FAM107B: variants seen among roughly 807,000 people sequenced by gnomAD.
FAM107B encodes protein FAM107B.
Under a neutral mutation model 31.5 loss-of-function variants are expected in FAM107B, and 21 were observed. The observed-to-expected ratio is 0.67, with a 90% confidence interval of 0.47 to 0.96. The LOEUF is 0.96. FAM107B is among the 40% of genes least tolerant of loss of function. The probability of loss-of-function intolerance (pLI) is 0.00; values close to 1 mark genes in which losing one functional copy is unlikely to be tolerated. For synonymous variants in FAM107B, 157 were observed against 141.5 expected (o/e 1.11, Z -0.78); for missense variants, 452 against 377.1 (o/e 1.20, Z -1.64).
intron 1 of FAM107B, among the ~76,000 whole-genome samples, chr10:14,751,605 C>G (rs150146792): frequency 6.6e-6 from 1 of 151,800 alleles, no homozygotes; most frequent in Non-Finnish European, 1.5e-5. Flanking sequence ...TGGGCTAAAG[C>G]GATCCTCCAA....
chr10:14,553,364 A>C, intron 2 of FAM107B: 1 of 1,281,002 alleles, frequency 7.8e-7, no homozygotes, highest in Non-Finnish European at 1.0e-6. Context: ...CTCTATCCAC[A>C]AAATTAGTTT....
At chr10:14,711,141 G>C (rs1298042786) in intron 1 of FAM107B, among the ~76,000 whole-genome samples, 1 of 152,168 alleles carries the variant, frequency 6.6e-6, no homozygotes, top group African/African-American at 2.4e-5. Context: ...TCAAACTCCT[G>C]ACCTTGTGAT....
chr10:14,728,517 G>A lies in FAM107B; in HGVS notation c.411+45736C>T, dbSNP rs144208572. ...GCAGAAGTCAAGCTGGACCAGCAGG[G>A]GTAATTTTTGTGGGTTATCCATCAC... On this transcript the variant is annotated intron_variant, in intron 1 of 4. Transcript: ENST00000181796. Among the ~76,000 whole-genome samples the A allele has an allele frequency of 3.4e-3, 523 of 152,232 alleles. 12 individuals carry two copies. The East Asian group carries it at 0.046, about 13-fold the overall frequency.
At chr10:14,747,192 G>A (rs1457749235) in intron 1 of FAM107B, among the ~76,000 whole-genome samples, 2 of 152,160 alleles carry the variant, frequency 1.3e-5, no homozygotes, top group Non-Finnish European at 2.9e-5. Context: ...AACAGCTCCT[G>A]TAATATTTTA....
chr10:14,676,967 C>G (rs1854698073), intron 1 of FAM107B, among the ~76,000 whole-genome samples: 1 of 152,168 alleles, frequency 6.6e-6, no homozygotes, highest in South Asian at 2.1e-4. Context: ...TCCTGGTCCC[C>G]TCACTCCAAC....
chr10:14,522,177 T>C, intron 3 of FAM107B, 158 bp from the exon 4 acceptor site: 2 of 901,214 alleles, frequency 2.2e-6, no homozygotes, highest in Non-Finnish European at 3.3e-6. Context: ...ATCTAAGAAA[T>C]TCACCAGCAC....
rs369990128 is a variant in FAM107B at position 14,747,723 on chromosome 10, C to T, written c.411+26530G>A. Reference sequence around the variant, plus strand: ...CACCAAGCTAATGCCAGCAGGAACACTCCTGTATAAGGTATCTGGCAACCC... The same window carrying T: ...CACCAAGCTAATGCCAGCAGGAACATTCCTGTATAAGGTATCTGGCAACCC... On this transcript the variant is annotated intron_variant, in intron 1 of 4. Transcript: ENST00000181796. Among the ~76,000 whole-genome samples the T allele has an allele frequency of 3.9e-5, 6 of 152,238 alleles. No homozygotes were observed. In the East Asian group the frequency reaches 7.7e-4, roughly 20 times the overall value.
intron 2 of FAM107B, among the ~76,000 whole-genome samples, chr10:14,575,955 T>G (rs1464999687): frequency 1.3e-5 from 2 of 152,032 alleles, no homozygotes; most frequent in African/African-American, 4.8e-5. Flanking sequence ...CATAGACAGG[T>G]CTTGAAGACA....
intron 1 of FAM107B, among the ~76,000 whole-genome samples, chr10:14,696,377 T>C (rs754203213): frequency 1.3e-5 from 2 of 152,224 alleles, no homozygotes; most frequent in African/African-American, 2.4e-5. Context: ...GATGTATTCT[T>C]GGATTCTATT....
intron 1 of FAM107B, among the ~76,000 whole-genome samples, chr10:14,671,021 C>G (rs1444683565): frequency 3.3e-5 from 5 of 152,298 alleles, no homozygotes; most frequent in East Asian, 1.9e-4. Context: ...GCCTAGTACT[C>G]ACTGACTCAC....
At chr10:14,754,594 GCT>G (rs1251258134) in intron 1 of FAM107B, among the ~76,000 whole-genome samples, 6 of 152,228 alleles carry the variant, frequency 3.9e-5, no homozygotes, top group Admixed American at 1.3e-4. Flanking sequence ...AGGGGAGTCA[GCT>G]TCTAAAGGGA....
At chr10:14,642,490 C>T (rs988472444) in intron 2 of FAM107B, among the ~76,000 whole-genome samples, 12 of 152,252 alleles carry the variant, frequency 7.9e-5, no homozygotes, top group Middle Eastern at 3.4e-3. Flanking sequence ...TAGTGAAATC[C>T]AAGAATTCCA....
rs756862549 is a variant in FAM107B at position 14,520,797 on chromosome 10, G to GT, written c.*392dup. 6.1e-6 allele frequency: 1 copy of GT among 164,880 alleles called. No homozygotes were observed. Among genetic ancestry groups the GT allele is most frequent in the Non-Finnish European group, 1.3e-5 (1 of 76,994 alleles). The allele number at this position is 164,880 out of a possible 1,614,324, so 10.2% of individuals were successfully genotyped here. On this transcript the variant is annotated 3_prime_UTR_variant, in exon 5 of 5. Coordinates refer to ENST00000181796, the MANE Select transcript of FAM107B (RefSeq NM_031453.4). ...TAACAAAAAGAGGAATTAAACACTT[G>GT]TTTTTTAGCTTTTAAAAGAAAAAAG...
chr10:14,603,988 G>A (rs1031654520), intron 2 of FAM107B, among the ~76,000 whole-genome samples: 1 of 147,488 alleles, frequency 6.8e-6, no homozygotes, highest in Admixed American at 6.7e-5. Context: ...CCCCGCAGCG[G>A]CCCCCGCCTC....
In FAM107B at chr10:14,774,285, T is replaced by C. The variant is rs1208122275; in HGVS notation, c.379A>G (p.Ile127Val). 2 of 1,613,528 alleles carry C rather than the reference T, an allele frequency of 1.2e-6. No individual in the cohort carries two copies. Among genetic ancestry groups the C allele is most frequent in the African/African-American group, 1.3e-5 (1 of 74,940 alleles). ...GTGTCAATAATTGATGGTCTGGGGA[T>C]GGAAGCGTGAAACACCACTGCTTCA... is the stretch of plus-strand genomic sequence containing the variant. ...DCEAVVFHAS[I>V]PRPSIIDTPK... The change falls in exon 1 of 5, where the codon ATC becomes GTC. Residue 127 changes from isoleucine (I) to valine (V), a missense_variant. Physicochemically the swap from Ile to Val is conservative, Grantham distance 29. Coordinates refer to ENST00000181796, the MANE Select transcript of FAM107B (RefSeq NM_031453.4).
At chr10:14,714,151 C>G (rs1195925934) in intron 1 of FAM107B, among the ~76,000 whole-genome samples, 2 of 152,208 alleles carry the variant, frequency 1.3e-5, no homozygotes, top group South Asian at 4.1e-4. Flanking sequence ...ACCTATATAA[C>G]AAACCTGTGT....
intron 2 of FAM107B, among the ~76,000 whole-genome samples, chr10:14,625,868 T>TA (rs58736805): frequency 8.3e-5 from 9 of 108,918 alleles, no homozygotes; most frequent in African/African-American, 3.3e-4. Flanking sequence ...GCTCATGGAT[T>TA]AAAAAAAAAA....
chr10:14,641,003 A>G (rs1853614286), intron 2 of FAM107B, among the ~76,000 whole-genome samples: 1 of 152,214 alleles, frequency 6.6e-6, no homozygotes, highest in African/African-American at 2.4e-5. Context: ...CTTGGACTCA[A>G]AGGATTTATG....
At position 14,569,893 on chromosome 10, in the gene FAM107B, G is replaced by A. The variant is rs140888507; in HGVS notation, c.470-39378C>T. ...GAACCTTGGCCAGCCTCAGCCAACA[G>A]CCAACCAGGCAGGCTGGGCGAGCCC... On this transcript the variant is annotated intron_variant, in intron 2 of 4. Transcript: ENST00000181796. Among the ~76,000 whole-genome samples the A allele has an allele frequency of 2.1e-3, 324 of 152,278 alleles. 1 individual carries two copies. The highest frequency in any genetic ancestry group is 7.6e-3 in the African/African-American group (314 of 41,564).
Sources: allele counts gnomAD v4.1 joint callset (sites outside exome capture counted in the v4.1 genomes callset), GRCh38; gene constraint gnomAD v4.1.1; transcripts MANE v1.5; gene names NCBI Gene and HGNC (gene_info 2026-07-23, HGNC 2026-07-21).